The following AGO1 variants were observed in gnomAD, a reference collection of about 807,000 sequenced individuals.
The protein encoded by AGO1 is protein argonaute-1.
In AGO1, 11 loss-of-function variants were observed where a neutral mutation model predicts 109.2. The ratio of observed to expected loss-of-function variants is 0.10; its 90% CI spans 0.06 to 0.17. The LOEUF is 0.17. Ranked by LOEUF, AGO1 falls within the 10% of genes least tolerant of loss-of-function variation. The pLI, the probability that AGO1 is intolerant of heterozygous loss-of-function variation, is 1.00. For missense variants in AGO1, 574 were observed against 1,140.3 expected (o/e 0.50, Z 7.15); for synonymous variants, 422 against 418.6 (o/e 1.01, Z -0.10).
Position 35,924,821 on chromosome 1 carries a change from T to C in AGO1, c.*5214T>C, listed in dbSNP as rs2148729652. On this transcript the variant is annotated 3_prime_UTR_variant, in exon 19 of 19. Transcript: ENST00000373204. ...GGGGAGTTTTTGAAGAAACAGAATG[T>C]TGTATAGACTGAGTTTTGAGGTGTT... 1 of 152,246 alleles carries C rather than the reference T, an allele frequency of 6.6e-6. No homozygotes were observed. The highest frequency in any genetic ancestry group is 1.5e-5 in the Non-Finnish European group (1 of 68,054). The allele number at this position is 152,246 out of a possible 1,614,324, so 9.4% of individuals were successfully genotyped here. A position where few individuals can be genotyped will look rare whatever the true frequency, so the allele number is the denominator to read the frequency against.
At chr1:35,891,234 A>C (rs935688687) in intron 2 of AGO1, among the ~76,000 whole-genome samples, 1 of 152,248 alleles carries the variant, frequency 6.6e-6, no homozygotes, top group African/African-American at 2.4e-5. Flanking sequence ...TGAGTTATCC[A>C]GTAGTAGTCA....
chr1:35,916,171 T>A (rs538894217), intron 15 of AGO1, among the ~76,000 whole-genome samples: 2 of 151,970 alleles, frequency 1.3e-5, no homozygotes, highest in East Asian at 3.9e-4. Flanking sequence ...TAAATCTGAG[T>A]GGAAACATAT....
intron 1 of AGO1, among the ~76,000 whole-genome samples, chr1:35,886,502 C>G (rs1044550517): frequency 6.6e-6 from 1 of 152,022 alleles, no homozygotes; most frequent in African/African-American, 2.4e-5. Flanking sequence ...GAAGAGAAGG[C>G]TTTGAGGCTA....
chr1:35,888,538 A>G lies in AGO1; in HGVS notation c.137A>G (p.Asp46Gly). Residue 46 changes from aspartate (D) to glycine (G), a missense_variant, in exon 2 of 19, where the codon GAC (aspartate) becomes GGC (glycine). Asp to Gly is a moderately conservative substitution (Grantham distance 94). This residue lies in a region of AGO1 where 89 missense variants were observed against 109.6 expected (regional missense o/e 0.81). Transcript: ENST00000373204. This position sits in a 1 kb window ranked among gnomAD's most constrained non-coding sequence, Gnocchi z 4.1. ...CTCCTGGCCAATTACTTTGAGGTGGACATCCCTAAGATCGACGTGTACCAC... is the reference window on the plus strand; with the variant it reads ...CTCCTGGCCAATTACTTTGAGGTGGGCATCCCTAAGATCGACGTGTACCAC... ...IKLLANYFEV[D>G]IPKIDVYHYE... The G allele has an allele frequency of 6.2e-7, 1 of 1,614,256 alleles. No homozygotes were observed. Among genetic ancestry groups the G allele is most frequent in the Non-Finnish European group, 8.5e-7 (1 of 1,180,040 alleles).
At chr1:35,883,206 C>T (rs1384509033), upstream of AGO1, 3 of 1,195,734 alleles carry the variant, frequency 2.5e-6, no homozygotes, top group Non-Finnish European at 3.1e-6. The surrounding 1 kb of genome is among the most constrained non-coding windows in gnomAD (Gnocchi z 5.4). Flanking sequence ...GTCGCGCCTG[C>T]GCACTGGCAG....
Position 35,916,375 on chromosome 1 carries a change from C to CT in AGO1, c.2028+841dup, listed in dbSNP as rs1043678754. On this transcript the variant is annotated intron_variant, in intron 15 of 18. Transcript: ENST00000373204. ...ACTGTTATGCCCAGTTTCTTTTTTT[C>CT]TTTTTTTTGGGGGGAACAGAGTCTC... 3.3e-4 allele frequency among the ~76,000 whole-genome samples: 50 copies of CT among 151,512 alleles called. 1 individual carries two copies. The highest frequency in any genetic ancestry group is 9.2e-4 in the African/African-American group (38 of 41,352).
chr1:35,905,120 AAGTGTAGTCTGGT>A, intron 11 of AGO1, among the ~76,000 whole-genome samples: 1 of 152,326 alleles, frequency 6.6e-6, no homozygotes, highest in Middle Eastern at 3.4e-3. Flanking sequence ...ACAGTATTCC[AAGTGTAGTCTGGT>A]AGTAGAGAGA....
chr1:35,876,743 A>T (rs1392835093), intron 1 of AGO1, among the ~76,000 whole-genome samples: 1 of 152,194 alleles, frequency 6.6e-6, no homozygotes, highest in African/African-American at 2.4e-5. Context: ...GGGAAGTTCT[A>T]CTGTGGGTAA....
chr1:35,908,727 C>T lies in AGO1; in HGVS notation c.1582+1608C>T, dbSNP rs1455654728. Among the ~76,000 whole-genome samples the T allele has an allele frequency of 2.6e-5, 4 of 152,134 alleles. No individual in the cohort carries two copies. The East Asian group carries it at 5.8e-4, about 22-fold the overall frequency. ...AACTTCGGAGACAGTCTTGTCTTTTCGCTTCACCTTCATTGTTCTTCTTCA... is the reference window on the plus strand; with the variant it reads ...AACTTCGGAGACAGTCTTGTCTTTTTGCTTCACCTTCATTGTTCTTCTTCA... On this transcript the variant is annotated intron_variant, in intron 12 of 18. Coordinates refer to ENST00000373204, the MANE Select transcript of AGO1 (RefSeq NM_012199.5).
At chr1:35,906,705 G>T (rs1645525787) in intron 11 of AGO1, among the ~76,000 whole-genome samples, 1 of 151,932 alleles carries the variant, frequency 6.6e-6, no homozygotes. Context: ...CTACTCAGGA[G>T]GCTGAGATGG....
intron 12 of AGO1, 76 bp from the exon 13 acceptor site, chr1:35,913,766 A>G: frequency 1.3e-6 from 2 of 1,504,102 alleles, no homozygotes; most frequent in Non-Finnish European, 1.8e-6. Flanking sequence ...CTAGCACCTC[A>G]TACACTGCCT....
At position 35,883,692 on chromosome 1, in the gene AGO1, A is replaced by G. The variant is rs1645069949; in HGVS notation, c.25+246A>G. On this transcript the variant is annotated intron_variant, in intron 1 of 18. Transcript: ENST00000373204. The surrounding 1 kb of genome is among the most constrained non-coding windows in gnomAD (Gnocchi z 5.4). ...CTGCGGGTTGGAAGTAATCTGGGAG[A>G]AGGGCCTGCACGCACGGAAGGACTC... Among the ~76,000 whole-genome samples the G allele has an allele frequency of 6.6e-6, 1 of 152,028 alleles. No individual in the cohort carries two copies.
intron 15 of AGO1, 43 bp downstream of exon 15, chr1:35,915,585 G>A (rs1217414712): frequency 5.1e-6 from 8 of 1,565,568 alleles, no homozygotes; most frequent in Non-Finnish European, 7.0e-6. Context: ...CATCATGGCT[G>A]GAAAGCTAGG....
upstream of AGO1, among the ~76,000 whole-genome samples, chr1:35,880,336 G>A (rs1645025056): frequency 6.6e-6 from 1 of 151,996 alleles, no homozygotes; most frequent in South Asian, 2.1e-4. Flanking sequence ...GATTGCTTGA[G>A]CTCAGGAGTT....
chr1:35,916,357 T>C (rs1056314480), intron 15 of AGO1, among the ~76,000 whole-genome samples: 1 of 152,168 alleles, frequency 6.6e-6, no homozygotes, highest in Non-Finnish European at 1.5e-5. Flanking sequence ...TTAACTGTTA[T>C]GCCCAGTTTC....
Position 35,913,300 on chromosome 1 carries a change from T to G in AGO1, c.1583-542T>G, listed in dbSNP as rs552767479. Among the ~76,000 whole-genome samples the G allele has an allele frequency of 3.3e-5, 5 of 152,310 alleles. No homozygotes were observed. The South Asian group carries it at 1.0e-3, about 32-fold the overall frequency. On this transcript the variant is annotated intron_variant, in intron 12 of 18. Coordinates refer to ENST00000373204, the MANE Select transcript of AGO1 (RefSeq NM_012199.5). ...TCCCAAAGTGCTGGGATTACAGGCG[T>G]GAGCCACCGCGCCTGGCGTTCACCG...
chr1:35,877,519 G>T (rs1007157025), intron 1 of AGO1, among the ~76,000 whole-genome samples: 1 of 151,680 alleles, frequency 6.6e-6, no homozygotes, highest in African/African-American at 2.4e-5. Context: ...TTCCCATGTC[G>T]CCCATGTGCC....
At position 35,894,244 on chromosome 1, in the gene AGO1, T is replaced by G; in HGVS notation, c.785-71T>G. The G allele has an allele frequency of 1.1e-5, 18 of 1,599,840 alleles. No homozygotes were observed. In the South Asian group the frequency reaches 1.9e-4, roughly 17 times the overall value. On this transcript the variant is annotated intron_variant, in intron 6 of 18. Coordinates refer to ENST00000373204, the MANE Select transcript of AGO1 (RefSeq NM_012199.5). Reference sequence around the variant, plus strand: ...AAGAGGAAATCCCCTTGGGGTATGCTCAGGGGAGAGACCAAGCCTGGGCAC... The same window carrying G: ...AAGAGGAAATCCCCTTGGGGTATGCGCAGGGGAGAGACCAAGCCTGGGCAC...
intron 11 of AGO1, 115 bp from the exon 12 acceptor site, chr1:35,906,820 A>C (rs1645528492): frequency 2.1e-6 from 2 of 936,820 alleles, no homozygotes; most frequent in South Asian, 1.9e-5. Flanking sequence ...AAAAAAAAAA[A>C]AAAAACCAAT....
Sources: gnomAD v4.1 joint callset for allele counts (sites outside exome capture counted in the v4.1 genomes callset) on GRCh38, gnomAD v4.1.1 for gene constraint, gnomAD v4.1.1 regional missense constraint, Gnocchi (gnomAD v3.1) non-coding constraint, MANE v1.5 for transcripts, NCBI Gene and HGNC (gene_info 2026-07-23, HGNC 2026-07-21) for gene names.